Variants in TTC28 observed in about 807,000 individuals in gnomAD.
The protein encoded by TTC28 is tetratricopeptide repeat protein 28.
Under a neutral mutation model 198.0 loss-of-function variants are expected in TTC28, and 61 were observed. That is an observed-to-expected ratio of 0.31 (90% confidence interval 0.25 to 0.38). The LOEUF is 0.38. Ranked by LOEUF, TTC28 falls within the 10% of genes least tolerant of loss-of-function variation. The probability of loss-of-function intolerance (pLI) is 1.00; values close to 1 mark genes in which losing one functional copy is unlikely to be tolerated. For missense variants in TTC28, 2,678 were observed against 3,164.0 expected (o/e 0.85, Z 3.69); for synonymous variants, 1,171 against 1,297.8 (o/e 0.90, Z 2.10).
Position 27,980,715 on chromosome 22 carries a change from A to T in TTC28, c.*1506T>A, listed in dbSNP as rs1245085584. The T allele has an allele frequency of 2.1e-5, 2 of 96,014 alleles. No individual in the cohort carries two copies. The highest frequency in any genetic ancestry group is 1.9e-4 in the Admixed American group (2 of 10,300). 5.9% of individuals were successfully genotyped at this position (96,014 alleles called of 1,614,324 possible). On this transcript the variant is annotated 3_prime_UTR_variant, in exon 23 of 23. Transcript: ENST00000397906. ...AGGATTTTAATTTTAGAATTACCTAAAAGATACTTACTTATCTAAATTCTC... is the reference window on the plus strand; with the variant it reads ...AGGATTTTAATTTTAGAATTACCTATAAGATACTTACTTATCTAAATTCTC...
chr22:28,240,996 T>C (rs571617796), intron 5 of TTC28, among the ~76,000 whole-genome samples: 3 of 152,036 alleles, frequency 2.0e-5, no homozygotes, highest in Non-Finnish European at 2.9e-5. Flanking sequence ...AACATCAATA[T>C]AGAAGGAAGG....
chr22:28,347,303 A>C (rs2045919980), intron 2 of TTC28, among the ~76,000 whole-genome samples: 1 of 151,800 alleles, frequency 6.6e-6, no homozygotes, highest in Non-Finnish European at 1.5e-5. Flanking sequence ...AGAAAAAAGA[A>C]AGACTCTTGA....
intron 2 of TTC28, among the ~76,000 whole-genome samples, chr22:28,360,239 G>T (rs2046138371): frequency 6.6e-6 from 1 of 152,024 alleles, no homozygotes; most frequent in African/African-American, 2.4e-5. Context: ...AGATTAAAAA[G>T]GGCCTGCTTA....
intron 5 of TTC28, among the ~76,000 whole-genome samples, chr22:28,167,428 T>C (rs1356955088): frequency 1.3e-5 from 2 of 152,176 alleles, no homozygotes; most frequent in African/African-American, 4.8e-5. Context: ...CTCAATAAAA[T>C]ACTGGCAAAC....
At chr22:28,535,701 A>G (rs1474769749) in intron 2 of TTC28, among the ~76,000 whole-genome samples, 2 of 151,898 alleles carry the variant, frequency 1.3e-5, no homozygotes, top group South Asian at 2.1e-4. Flanking sequence ...CCCCTTGCCA[A>G]TCTTGTGATG....
At chr22:28,662,299 T>A (rs1165074084) in intron 1 of TTC28, among the ~76,000 whole-genome samples, 1 of 152,134 alleles carries the variant, frequency 6.6e-6, no homozygotes, top group African/African-American at 2.4e-5. Context: ...TAGCAAAAGG[T>A]AGTTATAATT....
chr22:28,229,155 C>T (rs58936636), intron 5 of TTC28, among the ~76,000 whole-genome samples: 1,900 of 152,010 alleles, frequency 0.012, 44 homozygotes, highest in African/African-American at 0.044. Flanking sequence ...GACTCCATCT[C>T]AAAAAACAAA....
chr22:28,537,116 A>T (rs183986258), intron 2 of TTC28, among the ~76,000 whole-genome samples: 3,279 of 148,848 alleles, frequency 0.022, 115 homozygotes, highest in African/African-American at 0.077. Context: ...ACATGGTGAA[A>T]CCCCGTCTCT....
chr22:28,514,791 C>A (rs1198557868), intron 2 of TTC28, among the ~76,000 whole-genome samples: 5 of 152,180 alleles, frequency 3.3e-5, no homozygotes. Context: ...TTCCTATAGA[C>A]CACCAAAACA....
intron 6 of TTC28, among the ~76,000 whole-genome samples, chr22:28,159,043 T>C (rs1171347472): frequency 6.6e-6 from 1 of 152,154 alleles, no homozygotes; most frequent in Non-Finnish European, 1.5e-5. Flanking sequence ...CCAGAATATA[T>C]AAGGCACTCA....
At chr22:28,389,789 A>G (rs2046683515) in intron 2 of TTC28, among the ~76,000 whole-genome samples, 1 of 149,110 alleles carries the variant, frequency 6.7e-6, no homozygotes, top group African/African-American at 2.4e-5. Context: ...CTTTCAAAAA[A>G]CCAGCTCCTG....
intron 2 of TTC28, among the ~76,000 whole-genome samples, chr22:28,436,987 G>C (rs896811296): frequency 6.6e-6 from 1 of 152,254 alleles, no homozygotes; most frequent in Non-Finnish European, 1.5e-5. Flanking sequence ...TCAACAGTGA[G>C]TGGGCACCAC....
chr22:28,265,215 G>A (rs367563043), intron 5 of TTC28, among the ~76,000 whole-genome samples: 4 of 152,148 alleles, frequency 2.6e-5, no homozygotes, highest in African/African-American at 9.7e-5. Context: ...CTATAAGACT[G>A]ATGTACTGCT....
chr22:28,576,477 G>A (rs13056776), intron 2 of TTC28, among the ~76,000 whole-genome samples: 3,500 of 151,982 alleles, frequency 0.023, 66 homozygotes, highest in Non-Finnish European at 0.036. Context: ...TCTAGTTTTC[G>A]TAGTGGTAAT....
rs552669089 is a variant in TTC28, at chr22:28,247,980, C to A, written c.933+48218G>T. Among the ~76,000 whole-genome samples the A allele has an allele frequency of 2.6e-5, 4 of 152,278 alleles. No individual in the cohort carries two copies. In the East Asian group the frequency reaches 7.7e-4, roughly 29 times the overall value. Reference sequence around the variant, plus strand: ...TTTAGAAGCAGCTAGTAAACCCCTTCTTTGCAAATGAATTGTGAATTGTTA... The same window carrying A: ...TTTAGAAGCAGCTAGTAAACCCCTTATTTGCAAATGAATTGTGAATTGTTA... On this transcript the variant is annotated intron_variant, in intron 5 of 22. Coordinates refer to ENST00000397906, the MANE Select transcript of TTC28 (RefSeq NM_001145418.2).
chr22:28,238,613 C>T (rs1169775614), intron 5 of TTC28, among the ~76,000 whole-genome samples: 2 of 152,148 alleles, frequency 1.3e-5, no homozygotes, highest in African/African-American at 4.8e-5. Context: ...ATAGCCTTTA[C>T]CAGGGCTGTT....
intron 2 of TTC28, among the ~76,000 whole-genome samples, chr22:28,466,884 GC>G (rs2048029839): frequency 6.6e-6 from 1 of 150,594 alleles, no homozygotes; most frequent in Admixed American, 6.6e-5. Flanking sequence ...TTGTGACCTT[GC>G]TAAGTAATAC....
At chr22:28,313,990 A>G (rs1048572796) in intron 2 of TTC28, among the ~76,000 whole-genome samples, 6 of 152,202 alleles carry the variant, frequency 3.9e-5, no homozygotes, top group African/African-American at 1.4e-4. Context: ...GACCTCCTTA[A>G]GCTGATAAGC....
intron 6 of TTC28, among the ~76,000 whole-genome samples, chr22:28,135,628 G>A (rs1943181185): frequency 6.6e-6 from 1 of 152,166 alleles, no homozygotes; most frequent in Non-Finnish European, 1.5e-5. Context: ...ATAGTGGTGG[G>A]GGGAAAGTCA....
Sources: gnomAD v4.1 joint callset for allele counts (sites outside exome capture counted in the v4.1 genomes callset) on GRCh38, gnomAD v4.1.1 for gene constraint, MANE v1.5 for transcripts, NCBI Gene and HGNC (gene_info 2026-07-23, HGNC 2026-07-21) for gene names.